The following KRCC1 variants were observed in gnomAD, a reference collection of about 807,000 sequenced individuals.
KRCC1 encodes lysine-rich coiled-coil protein 1.
KRCC1 carries 3 observed loss-of-function variants against 7.4 expected under a neutral mutation model. That is an observed-to-expected ratio of 0.40 (90% confidence interval 0.18 to 1.04). KRCC1 has a LOEUF of 1.04. KRCC1 is among the 50% of genes least tolerant of loss of function. The probability of loss-of-function intolerance (pLI) is 0.33; values close to 1 mark genes in which losing one functional copy is unlikely to be tolerated. For missense variants in KRCC1, 277 were observed against 300.9 expected, an observed-to-expected ratio of 0.92 and a Z score of 0.59; for synonymous variants, 102 against 101.6, an observed-to-expected ratio of 1.00 and a Z score of -0.02.
intron 1 of KRCC1, among the ~76,000 whole-genome samples, chr2:88,047,769 A>G (rs1673371680): frequency 6.6e-6 from 1 of 151,808 alleles, no homozygotes; most frequent in South Asian, 2.1e-4. Flanking sequence ...AGCTCAAGTG[A>G]TCTGCCGCCT....
intron 2 of KRCC1, among the ~76,000 whole-genome samples, chr2:88,034,943 AT>A (rs756811683): frequency 7.9e-5 from 12 of 151,448 alleles, no homozygotes; most frequent in Non-Finnish European, 1.0e-4. Context: ...TTTTTGAGCA[AT>A]TTTTTTTTAC....
chr2:88,038,007 C>G (rs1051341750), intron 1 of KRCC1, among the ~76,000 whole-genome samples: 1 of 152,156 alleles, frequency 6.6e-6, no homozygotes, highest in African/African-American at 2.4e-5. Context: ...CAAAATTGTA[C>G]TTTCTACACG....
chr2:88,031,577 G>A (rs1349631077), intron 3 of KRCC1, among the ~76,000 whole-genome samples: 6 of 151,926 alleles, frequency 3.9e-5, no homozygotes, highest in East Asian at 1.9e-4. Context: ...AGCCGAGATC[G>A]TGCCACTGCA....
Position 88,027,588 on chromosome 2 carries a change from A to G in KRCC1, c.*196T>C. 2.0e-6 allele frequency: 1 copy of G among 490,118 alleles called. No individual in the cohort carries two copies. 30.4% of individuals were successfully genotyped at this position (490,118 alleles called of 1,614,324 possible). ...ATTACACTATATGTTCAAAAAATGT[A>G]ATAATGCTTTTAGAAAATGAGGAAA... On this transcript the variant is annotated 3_prime_UTR_variant, in exon 4 of 4. Coordinates refer to ENST00000347055, the MANE Select transcript of KRCC1 (RefSeq NM_016618.3).
intron 1 of KRCC1, among the ~76,000 whole-genome samples, chr2:88,045,589 G>A (rs1220341535): frequency 6.6e-6 from 1 of 151,974 alleles, no homozygotes; most frequent in Non-Finnish European, 1.5e-5. Context: ...GGATTGTAAA[G>A]GGGCATAAGT....
intron 2 of KRCC1, among the ~76,000 whole-genome samples, chr2:88,036,444 T>A (rs895804280): frequency 1.3e-5 from 2 of 151,436 alleles, no homozygotes; most frequent in Admixed American, 6.6e-5. Context: ...CGGATCTCAG[T>A]TTCTTCATCT....
At chr2:88,032,781 A>G (rs999096255) in intron 3 of KRCC1, among the ~76,000 whole-genome samples, 1 of 152,180 alleles carries the variant, frequency 6.6e-6, no homozygotes, top group African/African-American at 2.4e-5. Flanking sequence ...AATAACGAAA[A>G]TAATTGTAAT....
intron 3 of KRCC1, among the ~76,000 whole-genome samples, chr2:88,031,286 G>A (rs564908663): frequency 2.6e-5 from 4 of 151,854 alleles, no homozygotes; most frequent in Non-Finnish European, 5.9e-5. Context: ...GCTAATGTGT[G>A]TGTTTGTGTC....
chr2:88,039,758 A>T (rs980827286), intron 1 of KRCC1, among the ~76,000 whole-genome samples: 18 of 152,154 alleles, frequency 1.2e-4, no homozygotes, highest in Non-Finnish European at 2.4e-4. Context: ...ACTTAATTAC[A>T]TTTGACTCTA....
intron 2 of KRCC1, among the ~76,000 whole-genome samples, chr2:88,035,227 T>C (rs1473845329): frequency 6.6e-6 from 1 of 152,222 alleles, no homozygotes; most frequent in African/African-American, 2.4e-5. Flanking sequence ...GACTACCAGT[T>C]GCCTTCCAAT....
intron 1 of KRCC1, among the ~76,000 whole-genome samples, chr2:88,041,455 C>T (rs1175491337): frequency 6.6e-6 from 1 of 152,182 alleles, no homozygotes; most frequent in East Asian, 1.9e-4. Flanking sequence ...TAGTATCTTG[C>T]ACATCTCTCC....
intron 1 of KRCC1, among the ~76,000 whole-genome samples, chr2:88,041,354 G>A (rs966882885): frequency 6.6e-6 from 1 of 152,160 alleles, no homozygotes; most frequent in Admixed American, 6.5e-5. Context: ...TCCCCCAGAA[G>A]GAGAGAAGTA....
intron 1 of KRCC1, among the ~76,000 whole-genome samples, chr2:88,039,178 T>C (rs981344318): frequency 3.3e-5 from 5 of 152,278 alleles, no homozygotes; most frequent in Admixed American, 2.6e-4. Flanking sequence ...ATTTAACATA[T>C]TGCTCTTTGT....
chr2:88,029,844 A>T (rs1573073180), intron 3 of KRCC1, among the ~76,000 whole-genome samples: 1 of 66,716 alleles, frequency 1.5e-5, no homozygotes. Flanking sequence ...AAAAAAATAT[A>T]TATATATATA....
intron 1 of KRCC1, among the ~76,000 whole-genome samples, chr2:88,048,014 T>C (rs1156761527): frequency 6.6e-6 from 1 of 152,128 alleles, no homozygotes; most frequent in Non-Finnish European, 1.5e-5. Flanking sequence ...TAACATATAT[T>C]AGGAGACATT....
intron 1 of KRCC1, among the ~76,000 whole-genome samples, chr2:88,041,523 A>T (rs1404583072): frequency 2.0e-5 from 3 of 152,312 alleles, no homozygotes; most frequent in Non-Finnish European, 4.4e-5. Context: ...GGTTTAAACA[A>T]CCTGCAGATG....
Position 88,028,466 on chromosome 2 carries a change from A to C in KRCC1, c.98T>G (p.Phe33Cys). ...KARGLEPKTC[F>C]RKMKGDYLET... ...CAAATAGTCCCCTTTCATCTTTCTGAAACAAGTCTTTGGCTCTAAGCCTCT... is the reference window on the plus strand; with the variant it reads ...CAAATAGTCCCCTTTCATCTTTCTGCAACAAGTCTTTGGCTCTAAGCCTCT... The change falls in exon 4 of 4, where the codon TTC becomes TGC. Residue 33 changes from phenylalanine to cysteine, a missense_variant. Physicochemically the swap from Phe to Cys is radical, Grantham distance 205 (BLOSUM62 -2). Transcript: ENST00000347055. 1 of 1,614,022 alleles carries C rather than the reference A, an allele frequency of 6.2e-7. No individual in the cohort carries two copies. The highest frequency in any genetic ancestry group is 8.5e-7 in the Non-Finnish European group (1 of 1,179,950).
intron 1 of KRCC1, among the ~76,000 whole-genome samples, chr2:88,052,522 T>G (rs950626529): frequency 9.4e-6 from 1 of 106,158 alleles, no homozygotes; most frequent in South Asian, 2.6e-4. Flanking sequence ...CATAAGTGAA[T>G]AGTGAGTGAC....
chr2:88,037,105 A>G (rs1673106731), intron 1 of KRCC1, 54 bp from the exon 2 acceptor site: 1 of 152,202 alleles, frequency 6.6e-6, no homozygotes, highest in Non-Finnish European at 1.5e-5. Flanking sequence ...TTAAGGTAAT[A>G]TTTTTAAACT....
Sources: gnomAD v4.1 joint callset for allele counts (sites outside exome capture counted in the v4.1 genomes callset) on GRCh38, gnomAD v4.1.1 for gene constraint, MANE v1.5 for transcripts, NCBI Gene and HGNC (gene_info 2026-07-23, HGNC 2026-07-21) for gene names.